FHIT: variants seen among roughly 807,000 people sequenced by gnomAD.
The protein encoded by FHIT is fragile histidine triad diadenosine triphosphatase.
In FHIT, 19 loss-of-function variants were observed where a neutral mutation model predicts 17.9. That is an observed-to-expected ratio of 1.06 (90% CI 0.74 to 1.56). The LOEUF (loss-of-function observed/expected upper bound fraction) is 1.56. FHIT is among the 40% of genes most tolerant of loss of function. The pLI, the probability that FHIT is intolerant of heterozygous loss-of-function variation, is 0.00. For missense variants in FHIT, 248 were observed against 189.2 expected (o/e 1.31, Z -1.82); for synonymous variants, 81 against 69.7 (o/e 1.16, Z -0.81).
chr3:60,242,936 A>G (rs1705208028), intron 5 of FHIT, among the ~76,000 whole-genome samples: 1 of 151,984 alleles, frequency 6.6e-6, no homozygotes, highest in African/African-American at 2.4e-5. Context: ...GGAGAAGTAG[A>G]TGTTAGTCTA....
intron 4 of FHIT, among the ~76,000 whole-genome samples, chr3:60,755,536 G>C (rs1276780431): frequency 5.9e-5 from 9 of 152,188 alleles, no homozygotes; most frequent in African/African-American, 2.2e-4. Flanking sequence ...AAAACATGAA[G>C]CTGACTGATA....
chr3:60,370,385 C>T (rs1700279535), intron 5 of FHIT, among the ~76,000 whole-genome samples: 1 of 152,264 alleles, frequency 6.6e-6, no homozygotes, highest in South Asian at 2.1e-4. Context: ...CAGAACCTCT[C>T]GCCCAATAAA....
chr3:60,903,620 A>T (rs1315632847), intron 3 of FHIT, among the ~76,000 whole-genome samples: 1 of 152,234 alleles, frequency 6.6e-6, no homozygotes, highest in Non-Finnish European at 1.5e-5. Flanking sequence ...CATCTAACTC[A>T]TTAAGATGTA....
At chr3:59,797,728 T>G (rs1426928458) in intron 8 of FHIT, among the ~76,000 whole-genome samples, 1 of 152,168 alleles carries the variant, frequency 6.6e-6, no homozygotes. Flanking sequence ...TTGCTGACAG[T>G]GCCATTAAAA....
chr3:60,645,941 C>T (rs1313507832), intron 4 of FHIT, among the ~76,000 whole-genome samples: 1 of 152,162 alleles, frequency 6.6e-6, no homozygotes, highest in Admixed American at 6.5e-5. Flanking sequence ...ATAAAACCTA[C>T]TTGAAATATG....
At chr3:61,135,623 A>C (rs2036895329) in intron 2 of FHIT, among the ~76,000 whole-genome samples, 1 of 152,154 alleles carries the variant, frequency 6.6e-6, no homozygotes. Flanking sequence ...ACATACACAC[A>C]GTAAAATCAG....
chr3:60,083,272 T>G (rs1299369891), intron 5 of FHIT, among the ~76,000 whole-genome samples: 1 of 152,124 alleles, frequency 6.6e-6, no homozygotes, highest in Non-Finnish European at 1.5e-5. Flanking sequence ...GTTGGAGGTG[T>G]GAGGTTTTAT....
intron 3 of FHIT, among the ~76,000 whole-genome samples, chr3:60,864,185 C>T (rs1559784908): frequency 1.3e-5 from 2 of 152,104 alleles, no homozygotes; most frequent in South Asian, 4.1e-4. Flanking sequence ...ACCTCCTACC[C>T]ACTGGGTCCC....
At chr3:61,158,613 C>G (rs559470221) in intron 2 of FHIT, among the ~76,000 whole-genome samples, 227 of 147,474 alleles carry the variant, frequency 1.5e-3, no homozygotes, top group African/African-American at 5.4e-3. Flanking sequence ...CACATGCTCC[C>G]TCCTTTTACC....
intron 8 of FHIT, among the ~76,000 whole-genome samples, chr3:59,869,609 G>C (rs1204978998): frequency 6.7e-6 from 1 of 149,064 alleles, no homozygotes; most frequent in African/African-American, 2.5e-5. Flanking sequence ...AGCCTCCCTA[G>C]TAGCTGGGAC....
chr3:60,996,127 T>C (rs548677601), intron 3 of FHIT, among the ~76,000 whole-genome samples: 1 of 152,232 alleles, frequency 6.6e-6, no homozygotes, highest in African/African-American at 2.4e-5. Context: ...CTCACTTGCT[T>C]ATAAGCCCTA....
intron 4 of FHIT, among the ~76,000 whole-genome samples, chr3:60,738,901 C>T (rs1553713255): frequency 6.6e-6 from 1 of 152,176 alleles, no homozygotes; most frequent in African/African-American, 2.4e-5. Context: ...TTTTGGCATG[C>T]CACACTCCCT....
At chr3:59,964,389 A>G (rs1707826173) in intron 7 of FHIT, among the ~76,000 whole-genome samples, 1 of 152,164 alleles carries the variant, frequency 6.6e-6, no homozygotes, top group Non-Finnish European at 1.5e-5. Context: ...CTATTAATCC[A>G]GAACTTTCCA....
intron 7 of FHIT, among the ~76,000 whole-genome samples, chr3:59,953,950 G>T (rs1707259249): frequency 6.6e-6 from 1 of 152,196 alleles, no homozygotes; most frequent in South Asian, 2.1e-4. Context: ...AGGCCAAACT[G>T]CATAAGCAGA....
intron 7 of FHIT, among the ~76,000 whole-genome samples, chr3:60,010,189 A>T (rs1354241163): frequency 6.6e-6 from 1 of 152,266 alleles, no homozygotes; most frequent in Non-Finnish European, 1.5e-5. Context: ...AGTGATTTCA[A>T]AAAGAAGCCA....
rs538227414 is a variant in FHIT at position 60,148,320 on chromosome 3, C to T, written c.104-134168G>A. ...TAGTCTTTCAAACTGGATGATAGTA[C>T]TTTGCACAAGTCAGGGATGCAGCAA... is the stretch of plus-strand genomic sequence containing the variant. On this transcript the variant is annotated intron_variant, in intron 5 of 9. Transcript: ENST00000492590. Among the ~76,000 whole-genome samples the T allele has an allele frequency of 7.9e-5, 12 of 152,168 alleles. No individual in the cohort carries two copies. In the South Asian group the frequency reaches 2.3e-3, roughly 29 times the overall value.
At chr3:60,752,623 G>A (rs1553717150) in intron 4 of FHIT, among the ~76,000 whole-genome samples, 1 of 152,126 alleles carries the variant, frequency 6.6e-6, no homozygotes, top group African/African-American at 2.4e-5. Context: ...ACTTGTGTAG[G>A]TTTCCCCTTC....
intron 8 of FHIT, among the ~76,000 whole-genome samples, chr3:59,867,816 G>T (rs1702722770): frequency 6.6e-6 from 1 of 151,728 alleles, no homozygotes; most frequent in Non-Finnish European, 1.5e-5. Flanking sequence ...TCCACCTTAG[G>T]GTATGTACTC....
At chr3:60,569,755 A>ACATATATATATATATATT (rs1553654910) in intron 4 of FHIT, among the ~76,000 whole-genome samples, 1 of 77,344 alleles carries the variant, frequency 1.3e-5, no homozygotes, top group Non-Finnish European at 2.3e-5. Context: ...ATATATATAT[A>ACATATATATATATATATT]TTTTTTTTTT....
Sources: gnomAD v4.1 joint callset for allele counts (sites outside exome capture counted in the v4.1 genomes callset) on GRCh38, gnomAD v4.1.1 for gene constraint, MANE v1.5 for transcripts, NCBI Gene and HGNC (gene_info 2026-07-23, HGNC 2026-07-21) for gene names.